Variants in FAXC observed in about 807,000 individuals in gnomAD.
FAXC encodes the protein failed axon connections homolog, metaxin like GST domain containing.
Under a neutral mutation model 41.9 loss-of-function variants are expected in FAXC, and 10 were observed. The observed-to-expected ratio is 0.24, with a 90% CI of 0.15 to 0.41. FAXC has a LOEUF of 0.41. Ranked by LOEUF, FAXC falls within the 10% of genes least tolerant of loss-of-function variation. FAXC has a pLI of 1.00. For synonymous variants in FAXC, 183 were observed against 183.8 expected (o/e 1.00, Z 0.03); for missense variants, 399 against 510.9 (o/e 0.78, Z 2.11).
At chr6:99,308,615 A>G (rs1387299338) in intron 4 of FAXC, among the ~76,000 whole-genome samples, 1 of 152,140 alleles carries the variant, frequency 6.6e-6, no homozygotes, top group East Asian at 1.9e-4. Context: ...TAATTCAAAA[A>G]AAAAAAAAAA....
chr6:99,293,357 C>T (rs551506777), intron 4 of FAXC, among the ~76,000 whole-genome samples: 4 of 152,292 alleles, frequency 2.6e-5, no homozygotes, highest in South Asian at 2.1e-4. Context: ...CTCTCTGCCC[C>T]CACAACTTAT....
intron 5 of FAXC, among the ~76,000 whole-genome samples, chr6:99,287,637 G>A (rs1352565038): frequency 1.3e-5 from 2 of 152,082 alleles, no homozygotes; most frequent in Non-Finnish European, 2.9e-5. Flanking sequence ...TGGTGCTTCT[G>A]CCGTTCCAAA....
At position 99,349,302 on chromosome 6, in the gene FAXC, G is replaced by A. The variant is rs773770857; in HGVS notation, c.71C>T (p.Ser24Phe). Residue 24 changes from serine (S) to phenylalanine (F), a missense_variant, in exon 1 of 6, where the codon TCC (serine) becomes TTC (phenylalanine). By Grantham distance (155) the Ser-to-Phe change is radical (BLOSUM62 -2). Transcript: ENST00000389677. Reference protein sequence around the residue: ...VVDLSWNQSISFFGWWAGSEE... With the variant: ...VVDLSWNQSIFFFGWWAGSEE... ...GGACCCGGCCCACCAGCCGAAGAAG[G>A]AGATGCTCTGGTTCCAGCTCAGATC... 7.6e-5 allele frequency: 122 copies of A among 1,613,240 alleles called. No individual in the cohort carries two copies. Among genetic ancestry groups the A allele is most frequent in the Non-Finnish European group, 9.4e-5 (111 of 1,179,982 alleles).
rs143037421 is a variant in FAXC at position 99,340,994 on chromosome 6, GACA to G, written c.402+1901_402+1903del. Among the ~76,000 whole-genome samples, 314 of 152,138 alleles carry G rather than the reference GACA, an allele frequency of 2.1e-3. 3 individuals are homozygous for G. The highest frequency in any genetic ancestry group is 7.3e-3 in the African/African-American group (301 of 41,492). ...AAAAAATTCCAGAATTAAAATCTTA[GACA>G]ACAGCAACACAATTGGGATCAGGGC... On this transcript the variant is annotated intron_variant, in intron 2 of 5. Transcript: ENST00000389677.
At chr6:99,318,813 G>C (rs528921197) in intron 4 of FAXC, among the ~76,000 whole-genome samples, 1 of 152,164 alleles carries the variant, frequency 6.6e-6, no homozygotes, top group African/African-American at 2.4e-5. Context: ...GCTGGTAAGC[G>C]GTGATGCCCC....
At chr6:99,301,599 T>C (rs147404001) in intron 4 of FAXC, among the ~76,000 whole-genome samples, 23 of 152,346 alleles carry the variant, frequency 1.5e-4, no homozygotes, top group African/African-American at 4.8e-4. Context: ...ACCTCTTGTG[T>C]GCCAAGCTCT....
intron 5 of FAXC, among the ~76,000 whole-genome samples, chr6:99,285,378 T>C (rs1485031495): frequency 6.6e-6 from 1 of 152,202 alleles, no homozygotes; most frequent in Non-Finnish European, 1.5e-5. Flanking sequence ...GTGAAGCTGT[T>C]AAAATGATAT....
chr6:99,349,213 T>C lies in FAXC; in HGVS notation c.160A>G (p.Met54Val). The C allele has an allele frequency of 1.2e-6, 2 of 1,613,954 alleles. No homozygotes were observed. The highest frequency in any genetic ancestry group is 1.7e-6 in the Non-Finnish European group (2 of 1,180,004). ...AFPLQDYGGI[M>V]AGLGSDPWWK... ...CAGGGATCGGAGCCCAGCCCTGCCA[T>C]GATCCCACCGTAATCCTGCAAAGGG... Residue 54 changes from methionine to valine, a missense_variant, in exon 1 of 6, where the codon ATG becomes GTG. Met to Val is a conservative substitution (Grantham distance 21, BLOSUM62 1). This residue lies in a region of FAXC where 239 missense variants were observed against 352.7 expected (regional missense o/e 0.68). Coordinates refer to ENST00000389677, the MANE Select transcript of FAXC (RefSeq NM_032511.4).
chr6:99,316,232 C>A (rs1391464609), intron 4 of FAXC, among the ~76,000 whole-genome samples: 1 of 150,694 alleles, frequency 6.6e-6, no homozygotes, highest in Non-Finnish European at 1.5e-5. Flanking sequence ...AAGCTGCTTT[C>A]CAGAAGCATC....
chr6:99,318,125 G>A (rs1285175007), intron 4 of FAXC, among the ~76,000 whole-genome samples: 1 of 152,100 alleles, frequency 6.6e-6, no homozygotes, highest in African/African-American at 2.4e-5. Flanking sequence ...TGGGCATGGT[G>A]GTGGGCGCCT....
intron 3 of FAXC, among the ~76,000 whole-genome samples, chr6:99,332,112 G>A (rs1773047065): frequency 6.6e-6 from 1 of 152,092 alleles, no homozygotes; most frequent in South Asian, 2.1e-4. Context: ...GGGTAGAAGT[G>A]GAGCTTAGGT....
intron 5 of FAXC, among the ~76,000 whole-genome samples, chr6:99,285,894 G>A (rs1771011552): frequency 6.6e-6 from 1 of 152,106 alleles, no homozygotes; most frequent in Non-Finnish European, 1.5e-5. Flanking sequence ...AAAACATTCT[G>A]TACAACTTGA....
rs1770722776 is a variant in FAXC at position 99,278,883 on chromosome 6, A to T, written c.*2281T>A. 6.6e-6 allele frequency: 1 copy of T among 152,264 alleles called. No homozygotes were observed. The highest frequency in any genetic ancestry group is 2.1e-4 in the South Asian group (1 of 4,834). The allele number at this position is 152,264 out of a possible 1,614,324, so 9.4% of individuals were successfully genotyped here. On this transcript the variant is annotated 3_prime_UTR_variant, in exon 6 of 6. Coordinates refer to ENST00000389677, the MANE Select transcript of FAXC (RefSeq NM_032511.4). ...CCAAGTAATATAAAATTAAAAACATATATTAATCTACATTCTCATAACTTA... is the reference window on the plus strand; with the variant it reads ...CCAAGTAATATAAAATTAAAAACATTTATTAATCTACATTCTCATAACTTA...
intron 2 of FAXC, among the ~76,000 whole-genome samples, chr6:99,339,830 T>A: frequency 6.6e-6 from 1 of 150,926 alleles, no homozygotes; most frequent in Non-Finnish European, 1.5e-5. Flanking sequence ...AGAAGCAGAG[T>A]TTCCAAAATC....
chr6:99,290,685 G>C (rs1771206847), intron 5 of FAXC, among the ~76,000 whole-genome samples: 2 of 151,490 alleles, frequency 1.3e-5, no homozygotes, highest in Non-Finnish European at 2.9e-5. Context: ...CTGGGTGACA[G>C]AGCAAGACCC....
chr6:99,320,240 T>C (rs1015721044), intron 4 of FAXC, among the ~76,000 whole-genome samples: 2 of 152,196 alleles, frequency 1.3e-5, no homozygotes, highest in African/African-American at 4.8e-5. Context: ...CATCATCAAA[T>C]GTCTTCCCAG....
chr6:99,322,256 G>A (rs1250475055), intron 4 of FAXC, among the ~76,000 whole-genome samples: 2 of 152,140 alleles, frequency 1.3e-5, no homozygotes, highest in Non-Finnish European at 2.9e-5. Flanking sequence ...GCTGGATGTG[G>A]TACTGGGATC....
intron 3 of FAXC, among the ~76,000 whole-genome samples, chr6:99,330,943 A>T (rs1174550505): frequency 6.6e-6 from 1 of 152,146 alleles, no homozygotes; most frequent in East Asian, 1.9e-4. Flanking sequence ...GGCATGGGGA[A>T]AGGAGGGTCT....
chr6:99,341,680 T>C (rs1262215755), intron 2 of FAXC, among the ~76,000 whole-genome samples: 2 of 152,118 alleles, frequency 1.3e-5, no homozygotes, highest in African/African-American at 4.8e-5. Flanking sequence ...TTTAACATGC[T>C]CCTTTCAGAC....
Sources: gnomAD v4.1 joint callset for allele counts (sites outside exome capture counted in the v4.1 genomes callset) on GRCh38, gnomAD v4.1.1 for gene constraint, gnomAD v4.1.1 regional missense constraint, MANE v1.5 for transcripts, NCBI Gene and HGNC (gene_info 2026-07-23, HGNC 2026-07-21) for gene names.